The following ENTPD6 variants were observed in gnomAD, a reference collection of about 807,000 sequenced individuals.
ENTPD6 encodes the protein ectonucleoside triphosphate diphosphohydrolase 6.
Under a neutral mutation model 61.5 loss-of-function variants are expected in ENTPD6, and 46 were observed. The ratio of observed to expected loss-of-function variants is 0.75; its 90% CI spans 0.59 to 0.96. The LOEUF is 0.96. Ranked by LOEUF, ENTPD6 falls within the 40% of genes least tolerant of loss-of-function variation. ENTPD6 has a pLI of 0.00. For missense variants in ENTPD6, 612 were observed against 629.0 expected (o/e 0.97, Z 0.29); for synonymous variants, 252 against 255.5 (o/e 0.99, Z 0.13).
At chr20:25,205,332 G>T (rs1476428722) in intron 1 of ENTPD6, among the ~76,000 whole-genome samples, 1 of 152,186 alleles carries the variant, frequency 6.6e-6, no homozygotes, top group Non-Finnish European at 1.5e-5. Flanking sequence ...CATTTCAGTG[G>T]AGGTTTCAGA....
chr20:25,215,064 C>G (rs961539545), intron 6 of ENTPD6, 122 bp downstream of exon 6: 8 of 658,344 alleles, frequency 1.2e-5, no homozygotes, highest in Admixed American at 2.4e-5. Context: ...CTCCCCCGTC[C>G]GATGCTCAAG....
In ENTPD6 at chr20:25,225,973, C is replaced by G. The variant is rs2092785757; in HGVS notation, c.*376C>G. The G allele has an allele frequency of 5.9e-6, 1 of 168,582 alleles. No homozygotes were observed. The highest frequency in any genetic ancestry group is 1.3e-5 in the Non-Finnish European group (1 of 79,074). 10.4% of individuals were successfully genotyped at this position (168,582 alleles called of 1,614,324 possible). A position where few individuals can be genotyped will look rare whatever the true frequency, so the allele number is the denominator to read the frequency against. On this transcript the variant is annotated 3_prime_UTR_variant, in exon 15 of 15. Transcript: ENST00000376652. ...TGTCCCTGCGATGGGAGTCTTGTCT[C>G]CCAGCCTGTCAGTTTCCTCCCCAGG...
chr20:25,196,438 G>A (rs1366033209), intron 1 of ENTPD6, among the ~76,000 whole-genome samples: 1 of 152,206 alleles, frequency 6.6e-6, no homozygotes, highest in Non-Finnish European at 1.5e-5. Flanking sequence ...TCCTTCAGTG[G>A]AAAACATTCA....
chr20:25,202,669 AT>A (rs2091139386), intron 1 of ENTPD6, among the ~76,000 whole-genome samples: 1 of 152,208 alleles, frequency 6.6e-6, no homozygotes, highest in African/African-American at 2.4e-5. Flanking sequence ...CTCCTTTACA[AT>A]TCCATCTACC....
rs202026558 is a variant in ENTPD6, at chr20:25,207,328, G to A, written c.307G>A (p.Gly103Arg). 2.5e-5 allele frequency: 40 copies of A among 1,589,574 alleles called. No homozygotes were observed. In the East Asian group the frequency reaches 4.3e-4, roughly 17 times the overall value. The part of the protein sequence containing the change: ...TAADGHEVFY[G>R]IMFDAGSTGT... ...TGCAGACGGGCACGAGGTCTTCTAC[G>A]GGATCATGTTTGATGCAGGAAGCAC... Residue 103 changes from glycine to arginine, a missense_variant, in exon 3 of 15, where the codon GGG (glycine) becomes AGG (arginine). Transcript: ENST00000376652.
Position 25,202,413 on chromosome 20 carries a change from G to C in ENTPD6, c.-15-4109G>C, listed in dbSNP as rs532473332. On this transcript the variant is annotated intron_variant, in intron 1 of 14. Coordinates refer to ENST00000376652, the MANE Select transcript of ENTPD6 (RefSeq NM_001247.5). ...AGTAATTACTCATAGGGAAGGACTT[G>C]TTTTTGATGTTTTGTTATTTATATA... is the stretch of plus-strand genomic sequence containing the variant. Among the ~76,000 whole-genome samples the C allele has an allele frequency of 3.3e-5, 5 of 152,198 alleles. No individual in the cohort carries two copies. In the South Asian group the frequency reaches 1.0e-3, roughly 32 times the overall value.
At chr20:25,208,232 T>G (rs1186287915) in intron 3 of ENTPD6, among the ~76,000 whole-genome samples, 1 of 152,246 alleles carries the variant, frequency 6.6e-6, no homozygotes, top group Non-Finnish European at 1.5e-5. Flanking sequence ...TTATTTACTT[T>G]TGACTCCATC....
At chr20:25,197,167 ACTGG>A (rs2090526718) in intron 1 of ENTPD6, 6 of 985,270 alleles carry the variant, frequency 6.1e-6, no homozygotes, top group African/African-American at 1.7e-5. Context: ...ACCTGAAGAA[ACTGG>A]CCAACAGATT....
At chr20:25,224,962 C>G (rs975142373) in intron 13 of ENTPD6, 248 of 570,682 alleles carry the variant, frequency 4.3e-4, no homozygotes, top group Non-Finnish European at 6.0e-4. Context: ...GAGACATTGG[C>G]CCATGACCCT....
In ENTPD6 at chr20:25,207,397, G is replaced by A. The variant is rs773322178; in HGVS notation, c.376G>A (p.Glu126Lys). 2.6e-6 allele frequency: 4 copies of A among 1,522,256 alleles called. No individual in the cohort carries two copies. Among genetic ancestry groups the A allele is most frequent in the Non-Finnish European group, 3.5e-6 (4 of 1,132,142 alleles). 94.3% of individuals were successfully genotyped at this position (1,522,256 alleles called of 1,614,324 possible). A position where few individuals can be genotyped will look rare whatever the true frequency, so the allele number is the denominator to read the frequency against. ...CTTCCAGTTCACCCGGCCCCCCAGAGGTACCCGCCTCTCATGGCAGGGCTC... is the reference window on the plus strand; with the variant it reads ...CTTCCAGTTCACCCGGCCCCCCAGAAGTACCCGCCTCTCATGGCAGGGCTC... Reference protein sequence around the residue: ...HVFQFTRPPRETPTLTHETFK... With the variant: ...HVFQFTRPPRKTPTLTHETFK... The change falls in exon 3 of 15, where the codon GAA (glutamate) becomes AAA (lysine). Residue 126 changes from glutamate (E) to lysine (K), a missense_variant and splice_region_variant. By Grantham distance (56) the Glu-to-Lys change is moderately conservative. Transcript: ENST00000376652.
At chr20:25,204,730 C>T (rs1419705938) in intron 1 of ENTPD6, among the ~76,000 whole-genome samples, 2 of 152,206 alleles carry the variant, frequency 1.3e-5, no homozygotes, top group Non-Finnish European at 2.9e-5. Flanking sequence ...AAGGTCCGCT[C>T]TGCTCCCTCC....
At chr20:25,200,948 C>T (rs894273379) in intron 1 of ENTPD6, among the ~76,000 whole-genome samples, 12 of 152,252 alleles carry the variant, frequency 7.9e-5, no homozygotes, top group African/African-American at 2.4e-4. Context: ...GTGTTTACAG[C>T]TGTACATTTC....
chr20:25,210,943 A>G (rs1024699198), intron 4 of ENTPD6, among the ~76,000 whole-genome samples: 1 of 152,268 alleles, frequency 6.6e-6, no homozygotes, highest in Non-Finnish European at 1.5e-5. Flanking sequence ...CTCTGACCCC[A>G]TCCAAAAGAA....
intron 3 of ENTPD6, among the ~76,000 whole-genome samples, chr20:25,208,364 T>A (rs1472103055): frequency 1.3e-5 from 2 of 152,202 alleles, no homozygotes; most frequent in East Asian, 3.8e-4. Context: ...GAGAATCGCT[T>A]GAACCTGGTA....
intron 1 of ENTPD6, among the ~76,000 whole-genome samples, chr20:25,202,546 A>G (rs983659138): frequency 6.6e-6 from 1 of 152,088 alleles, no homozygotes; most frequent in Non-Finnish European, 1.5e-5. Context: ...TGTATATGCT[A>G]CAGACATTTC....
At chr20:25,199,494 A>G (rs763680317) in intron 1 of ENTPD6, among the ~76,000 whole-genome samples, 6 of 152,218 alleles carry the variant, frequency 3.9e-5, no homozygotes, top group Non-Finnish European at 8.8e-5. Flanking sequence ...AGAAGTTGCC[A>G]TAAAATACAC....
At chr20:25,205,510 C>T (rs562932702) in intron 1 of ENTPD6, among the ~76,000 whole-genome samples, 17 of 85,962 alleles carry the variant, frequency 2.0e-4, no homozygotes, top group African/African-American at 4.8e-4. Flanking sequence ...CCACAGGGGC[C>T]AGCAGGGACA....
intron 1 of ENTPD6, chr20:25,197,205 A>T: frequency 2.0e-6 from 2 of 985,452 alleles, no homozygotes; most frequent in Non-Finnish European, 2.4e-6. Flanking sequence ...TCCACATCAG[A>T]TGGCCCCTGT....
In ENTPD6 at chr20:25,213,235, C is replaced by T. The variant is rs762524247; in HGVS notation, c.454-28C>T. ...GACCCTGTATGCTGCACTTGACAGACCCTGCTTTGCTCTTACCACGTTCAC... is the reference window on the plus strand; with the variant it reads ...GACCCTGTATGCTGCACTTGACAGATCCTGCTTTGCTCTTACCACGTTCAC... On this transcript the variant is annotated intron_variant, in intron 4 of 14. Transcript: ENST00000376652. The T allele has an allele frequency of 2.0e-5, 32 of 1,613,998 alleles. No individual in the cohort carries two copies. The South Asian group carries it at 2.9e-4, about 14-fold the overall frequency.
Sources: allele counts gnomAD v4.1 joint callset (sites outside exome capture counted in the v4.1 genomes callset), GRCh38; gene constraint gnomAD v4.1.1; transcripts MANE v1.5; gene names NCBI Gene and HGNC (gene_info 2026-07-23, HGNC 2026-07-21).